The following DCLK1 variants were observed in gnomAD, a reference collection of about 807,000 sequenced individuals.
The protein encoded by DCLK1 is doublecortin like kinase 1.
Under a neutral mutation model 86.2 loss-of-function variants are expected in DCLK1, and 16 were observed. The observed-to-expected ratio is 0.19, with a 90% CI of 0.13 to 0.28. The LOEUF is 0.28. Ranked by LOEUF, DCLK1 falls within the 10% of genes least tolerant of loss-of-function variation. The pLI is 1.00. For synonymous variants in DCLK1, 369 were observed against 370.5 expected, an observed-to-expected ratio of 1.00 and a Z score of 0.05; for missense variants, 590 against 940.2, an observed-to-expected ratio of 0.63 and a Z score of 4.87.
At chr13:35,885,120 T>C (rs1207397178) in intron 4 of DCLK1, among the ~76,000 whole-genome samples, 1 of 152,136 alleles carries the variant, frequency 6.6e-6, no homozygotes, top group African/African-American at 2.4e-5. Flanking sequence ...GCATCAAGCT[T>C]GATCGGGAAC....
At chr13:35,935,443 G>A (rs1876702844) in intron 4 of DCLK1, among the ~76,000 whole-genome samples, 1 of 152,182 alleles carries the variant, frequency 6.6e-6, no homozygotes, top group Non-Finnish European at 1.5e-5. Context: ...AGTAGCATTG[G>A]AAAGGAGGGG....
chr13:35,917,732 A>G (rs1227316029), intron 4 of DCLK1, among the ~76,000 whole-genome samples: 1 of 150,260 alleles, frequency 6.7e-6, no homozygotes, highest in East Asian at 2.0e-4. Flanking sequence ...CTCAAGTACC[A>G]TGGTAACGTG....
intron 3 of DCLK1, among the ~76,000 whole-genome samples, chr13:36,046,302 C>T (rs1325346975): frequency 6.6e-6 from 1 of 152,150 alleles, no homozygotes; most frequent in African/African-American, 2.4e-5. Flanking sequence ...CTCTAATCAT[C>T]CAACAGCATC....
At chr13:35,884,672 C>T (rs1355640652) in intron 4 of DCLK1, among the ~76,000 whole-genome samples, 4 of 152,116 alleles carry the variant, frequency 2.6e-5, no homozygotes, top group Admixed American at 1.3e-4. Flanking sequence ...GCATGCATTT[C>T]GGTTTGGTGG....
At chr13:35,973,304 G>A (rs927302081) in intron 3 of DCLK1, among the ~76,000 whole-genome samples, 2 of 152,194 alleles carry the variant, frequency 1.3e-5, no homozygotes, top group South Asian at 4.1e-4. Flanking sequence ...GAGGATCCCA[G>A]GCCTCCTGCT....
At chr13:36,075,060 T>C (rs1884142432) in intron 3 of DCLK1, among the ~76,000 whole-genome samples, 1 of 152,208 alleles carries the variant, frequency 6.6e-6, no homozygotes, top group Non-Finnish European at 1.5e-5. Flanking sequence ...ATCTTTAAAG[T>C]AGACCACATT....
At position 35,969,366 on chromosome 13, in the gene DCLK1, T is replaced by C. The variant is rs1878952967; in HGVS notation, c.724-21909A>G. ...TCCTTATAAGAGACAGAAGAGAAGA[T>C]AGAGAGGAGAAAGCCATGTGAACAT... On this transcript the variant is annotated intron_variant, in intron 3 of 16. Transcript: ENST00000360631. Among the ~76,000 whole-genome samples the C allele has an allele frequency of 2.6e-5, 4 of 151,758 alleles. No homozygotes were observed. In the South Asian group the frequency reaches 8.3e-4, roughly 32 times the overall value.
In DCLK1 at chr13:35,974,001, C is replaced by T. The variant is rs113994450; in HGVS notation, c.724-26544G>A. ...AGTTGAATAAGTTTATGCCCTGGTA[C>T]CTCATTTTTCTGCAAAAAAATACAG... On this transcript the variant is annotated intron_variant, in intron 3 of 16. Coordinates refer to ENST00000360631, the MANE Select transcript of DCLK1 (RefSeq NM_001330071.2). 5.9e-3 allele frequency among the ~76,000 whole-genome samples: 904 copies of T among 152,140 alleles called. 15 individuals carry two copies. Among genetic ancestry groups the T allele is most frequent in the African/African-American group, 0.021 (864 of 41,478 alleles).
intron 15 of DCLK1, among the ~76,000 whole-genome samples, chr13:35,798,418 A>T (rs1233157576): frequency 6.6e-6 from 1 of 152,232 alleles, no homozygotes; most frequent in Non-Finnish European, 1.5e-5. Flanking sequence ...CAGGAGAAGC[A>T]TGGCAGTCTT....
chr13:35,891,264 T>A (rs559466065), intron 4 of DCLK1, among the ~76,000 whole-genome samples: 84 of 151,950 alleles, frequency 5.5e-4, no homozygotes, highest in East Asian at 4.1e-3. Flanking sequence ...ATAATTTTTT[T>A]AAAAAAAACA....
At chr13:35,788,166 C>A in intron 16 of DCLK1, 2 of 1,577,136 alleles carry the variant, frequency 1.3e-6, no homozygotes, top group South Asian at 2.2e-5. Flanking sequence ...AGACTGCCAG[C>A]ACGTTGCCAT....
chr13:35,936,095 G>A (rs941902240), intron 4 of DCLK1, among the ~76,000 whole-genome samples: 4 of 152,110 alleles, frequency 2.6e-5, no homozygotes, highest in African/African-American at 9.7e-5. Flanking sequence ...TTCAAAGGGG[G>A]ACAGGCAAAA....
At position 35,796,268 on chromosome 13, in the gene DCLK1, T is replaced by C. The variant is rs7999947; in HGVS notation, c.1945-2789A>G. 5.9e-3 allele frequency among the ~76,000 whole-genome samples: 893 copies of C among 152,294 alleles called. 8 individuals carry two copies. The highest frequency in any genetic ancestry group is 9.2e-3 in the Non-Finnish European group (623 of 68,028). On this transcript the variant is annotated intron_variant, in intron 15 of 16. Transcript: ENST00000360631. ...ATGAGCTTTCAATGATGAGATACTT[T>C]GAAAAACATGATTGTGGAGAAGGTT...
At position 36,128,359 on chromosome 13, in the gene DCLK1, T is replaced by C. The variant is rs557211083; in HGVS notation, c.-19-2203A>G. On this transcript the variant is annotated intron_variant, in intron 1 of 16. Coordinates refer to ENST00000360631, the MANE Select transcript of DCLK1 (RefSeq NM_001330071.2). ...GGGTCCCAAAATTATAACTGAGGGG[T>C]TGAGATTTGAACCCAGATTTACTGT... 9.7e-4 allele frequency among the ~76,000 whole-genome samples: 147 copies of C among 152,136 alleles called. 1 individual carries two copies. In the South Asian group the frequency reaches 0.028, roughly 29 times the overall value.
intron 11 of DCLK1, among the ~76,000 whole-genome samples, chr13:35,814,328 G>GCCATAAAT (rs2087220574): frequency 6.6e-6 from 1 of 152,200 alleles, no homozygotes; most frequent in African/African-American, 2.4e-5. Flanking sequence ...CCAAATGGCA[G>GCCATAAAT]CCATAAATCC....
At chr13:35,971,895 C>T (rs1339598343) in intron 3 of DCLK1, among the ~76,000 whole-genome samples, 2 of 152,174 alleles carry the variant, frequency 1.3e-5, no homozygotes, top group Non-Finnish European at 2.9e-5. Context: ...GTTGTTTGCA[C>T]AAGGACAGGG....
intron 4 of DCLK1, among the ~76,000 whole-genome samples, chr13:35,882,782 T>C (rs1456298075): frequency 6.6e-6 from 1 of 152,222 alleles, no homozygotes; most frequent in Admixed American, 6.5e-5. Flanking sequence ...AAATATTTAC[T>C]GAGTCTCTGC....
chr13:35,881,057 T>C (rs1385379409), intron 4 of DCLK1, among the ~76,000 whole-genome samples: 1 of 152,108 alleles, frequency 6.6e-6, no homozygotes, highest in Non-Finnish European at 1.5e-5. Flanking sequence ...CCAGACCATA[T>C]AACAAAACAC....
At chr13:35,904,551 T>G (rs1317871318) in intron 4 of DCLK1, among the ~76,000 whole-genome samples, 2 of 152,206 alleles carry the variant, frequency 1.3e-5, no homozygotes, top group Non-Finnish European at 2.9e-5. Context: ...TTGCACTTGC[T>G]GCTCTGATAA....
Sources: gnomAD v4.1 joint callset for allele counts (sites outside exome capture counted in the v4.1 genomes callset) on GRCh38, gnomAD v4.1.1 for gene constraint, MANE v1.5 for transcripts, NCBI Gene and HGNC (gene_info 2026-07-23, HGNC 2026-07-21) for gene names.